Variants in KCNMA1 observed in about 807,000 individuals in gnomAD.
KCNMA1 encodes the protein potassium calcium-activated channel subfamily M alpha 1, also known as Calcium-activated potassium channel subunit alpha-1.
KCNMA1 carries 29 observed loss-of-function variants against 140.0 expected under a neutral mutation model. That is an observed-to-expected ratio of 0.21 (90% CI 0.15 to 0.28). KCNMA1 has a LOEUF of 0.28. KCNMA1 is among the 10% of genes least tolerant of loss of function. The pLI is 1.00. For synonymous variants in KCNMA1, 612 were observed against 611.9 expected, an observed-to-expected ratio of 1.00 and a Z score of 0.00; for missense variants, 880 against 1,602.2, an observed-to-expected ratio of 0.55 and a Z score of 7.70.
intron 1 of KCNMA1, among the ~76,000 whole-genome samples, chr10:77,501,182 A>G (rs1287531717): frequency 2.0e-5 from 3 of 152,346 alleles, no homozygotes; most frequent in African/African-American, 7.2e-5. Flanking sequence ...ATCATCATCC[A>G]TAAACTGAGA....
intron 1 of KCNMA1, among the ~76,000 whole-genome samples, chr10:77,572,548 G>C (rs1268428022): frequency 1.6e-5 from 1 of 60,844 alleles, no homozygotes; most frequent in South Asian, 6.5e-4. Flanking sequence ...AAACTCTGTC[G>C]CTCCAAAAAA....
chr10:77,604,395 A>T (rs1386664073), intron 1 of KCNMA1, among the ~76,000 whole-genome samples: 2 of 152,180 alleles, frequency 1.3e-5, no homozygotes, highest in East Asian at 3.8e-4. Context: ...AGCAGGCATG[A>T]TATTTATTTT....
At chr10:76,869,790 A>G (rs1460641042) in exon 28 of KCNMA1, 1 of 152,648 alleles carries the variant, frequency 6.6e-6, no homozygotes, top group Non-Finnish European at 1.5e-5. Context: ...GGTCAGAGTA[A>G]TTAATCATAA....
chr10:76,996,474 A>ACTC (rs1354914486), intron 19 of KCNMA1, among the ~76,000 whole-genome samples: 5 of 152,038 alleles, frequency 3.3e-5, no homozygotes, highest in Admixed American at 6.5e-5. Context: ...CCGATCTGCC[A>ACTC]CTCTGTTTTT....
intron 1 of KCNMA1, among the ~76,000 whole-genome samples, chr10:77,595,809 C>T (rs868396130): frequency 2.0e-5 from 3 of 152,096 alleles, no homozygotes; most frequent in African/African-American, 4.8e-5. Flanking sequence ...CCATCATGCC[C>T]GGCTAATTTT....
chr10:77,105,307 T>C lies in KCNMA1; in HGVS notation c.1223+3174A>G, dbSNP rs1033715816. ...AAATGTTTATATTATGCCAAACACA[T>C]TGATTAAAACTGAAAATGAAATGCC... is the stretch of plus-strand genomic sequence containing the variant. On this transcript the variant is annotated intron_variant, in intron 9 of 27. Coordinates refer to ENST00000286628, the MANE Select transcript of KCNMA1 (RefSeq NM_001161352.2). Among the ~76,000 whole-genome samples, 6 of 152,322 alleles carry C rather than the reference T, an allele frequency of 3.9e-5. No homozygotes were observed. In the South Asian group the frequency reaches 1.2e-3, roughly 32 times the overall value.
intron 1 of KCNMA1, among the ~76,000 whole-genome samples, chr10:77,448,291 A>G (rs955742651): frequency 6.6e-6 from 1 of 152,182 alleles, no homozygotes; most frequent in Non-Finnish European, 1.5e-5. Flanking sequence ...ATTTAAAGCA[A>G]TCTTGCAGAA....
At chr10:77,435,183 C>A (rs2154499878) in intron 1 of KCNMA1, among the ~76,000 whole-genome samples, 1 of 152,108 alleles carries the variant, frequency 6.6e-6, no homozygotes, top group East Asian at 1.9e-4. Context: ...AGCGATCTTC[C>A]CGCCTCAGCC....
At chr10:77,130,453 T>C (rs11819506) in intron 5 of KCNMA1, among the ~76,000 whole-genome samples, 2,509 of 152,306 alleles carry the variant, frequency 0.016, 71 homozygotes, top group African/African-American at 0.057. Context: ...CAGTTTATGA[T>C]GGGTTTGTGA....
At chr10:76,890,539 A>G (rs75497569) in intron 26 of KCNMA1, among the ~76,000 whole-genome samples, 3,942 of 152,340 alleles carry the variant, frequency 0.026, 159 homozygotes, top group African/African-American at 0.088. Context: ...CTAGTCTAAC[A>G]TAGGTCCCAG....
chr10:77,163,831 T>C (rs2098600778), intron 5 of KCNMA1, among the ~76,000 whole-genome samples: 1 of 152,174 alleles, frequency 6.6e-6, no homozygotes, highest in South Asian at 2.1e-4. Flanking sequence ...CAGTTGGGTT[T>C]CCCTTTTAGA....
intron 20 of KCNMA1, among the ~76,000 whole-genome samples, chr10:76,964,064 C>G (rs1330487846): frequency 6.6e-6 from 1 of 151,924 alleles, no homozygotes; most frequent in Non-Finnish European, 1.5e-5. Flanking sequence ...AGAGCAAATC[C>G]TGGCTCCTGC....
At chr10:77,587,556 G>C (rs534103876) in intron 1 of KCNMA1, among the ~76,000 whole-genome samples, 7 of 152,254 alleles carry the variant, frequency 4.6e-5, no homozygotes, top group African/African-American at 1.7e-4. Flanking sequence ...AGAAAACAAA[G>C]CTAGAGAGTG....
At chr10:77,219,374 G>T (rs2048828185) in intron 3 of KCNMA1, among the ~76,000 whole-genome samples, 1 of 152,132 alleles carries the variant, frequency 6.6e-6, no homozygotes, top group African/African-American at 2.4e-5. Flanking sequence ...AGGCACTCAG[G>T]CTCACTCTGC....
intron 1 of KCNMA1, among the ~76,000 whole-genome samples, chr10:77,576,205 AATCTAC>A (rs2074030515): frequency 6.6e-6 from 1 of 152,156 alleles, no homozygotes; most frequent in South Asian, 2.1e-4. Context: ...CTGACTGCCA[AATCTAC>A]ATTCTTCCCA....
At chr10:76,978,393 T>C (rs1340985886) in intron 19 of KCNMA1, 2 of 152,238 alleles carry the variant, frequency 1.3e-5, no homozygotes, top group Admixed American at 6.5e-5. Context: ...CAATGAATTA[T>C]GTATTTATGA....
At chr10:77,043,703 C>A (rs1208564409) in intron 14 of KCNMA1, among the ~76,000 whole-genome samples, 1 of 152,098 alleles carries the variant, frequency 6.6e-6, no homozygotes, top group Non-Finnish European at 1.5e-5. Context: ...CATGGATGAC[C>A]CTTGAAGGCA....
At chr10:77,236,180 G>A (rs547163) in intron 3 of KCNMA1, among the ~76,000 whole-genome samples, 62,234 of 151,944 alleles carry the variant, frequency 0.41, 14,213 homozygotes, top group East Asian at 0.78. Context: ...TACTCCTTGC[G>A]TGTAGTCACA....
intron 3 of KCNMA1, among the ~76,000 whole-genome samples, chr10:77,188,169 G>GAA (rs199737220): frequency 6.8e-6 from 1 of 147,860 alleles, no homozygotes; most frequent in Admixed American, 6.8e-5. Flanking sequence ...GTGCTTTAAA[G>GAA]AAAAAAAAAC....
Sources: allele counts gnomAD v4.1 joint callset (sites outside exome capture counted in the v4.1 genomes callset), GRCh38; gene constraint gnomAD v4.1.1; transcripts MANE v1.5; gene names NCBI Gene and HGNC (gene_info 2026-07-23, HGNC 2026-07-21).